NPAS3: variants seen among roughly 807,000 people sequenced by gnomAD.
NPAS3 encodes neuronal PAS domain-containing protein 3.
Under a neutral mutation model 73.1 loss-of-function variants are expected in NPAS3, and 14 were observed. The ratio of observed to expected loss-of-function variants is 0.19; its 90% confidence interval spans 0.13 to 0.30. The LOEUF (loss-of-function observed/expected upper bound fraction) is 0.30. Ranked by LOEUF, NPAS3 falls within the 10% of genes least tolerant of loss-of-function variation. The pLI is 1.00. For synonymous variants in NPAS3, 620 were observed against 541.5 expected, an observed-to-expected ratio of 1.14 and a Z score of -2.01; for missense variants, 1,096 against 1,250.0, an observed-to-expected ratio of 0.88 and a Z score of 1.86.
intron 1 of NPAS3, among the ~76,000 whole-genome samples, chr14:33,053,109 A>G (rs1275371568): frequency 6.6e-6 from 1 of 152,168 alleles, no homozygotes; most frequent in Non-Finnish European, 1.5e-5. Flanking sequence ...CACAAAATAC[A>G]TTTTAGCCAA....
chr14:33,046,109 C>A (rs922752814), intron 1 of NPAS3, among the ~76,000 whole-genome samples: 1 of 152,104 alleles, frequency 6.6e-6, no homozygotes, highest in African/African-American at 2.4e-5. Context: ...TGATGCAGGT[C>A]AAGTAAAAGT....
intron 2 of NPAS3, among the ~76,000 whole-genome samples, chr14:33,164,429 G>T (rs1485344562): frequency 2.6e-5 from 4 of 151,952 alleles, no homozygotes; most frequent in African/African-American, 9.7e-5. Context: ...TTCTGTGTAA[G>T]AAGTTCTTAC....
intron 5 of NPAS3, among the ~76,000 whole-genome samples, chr14:33,568,494 T>G (rs973388322): frequency 1.3e-5 from 2 of 152,174 alleles, no homozygotes; most frequent in African/African-American, 4.8e-5. Flanking sequence ...TGCAAAATAA[T>G]ACCTCTACAC....
intron 3 of NPAS3, among the ~76,000 whole-genome samples, chr14:33,349,602 A>AT (rs1172843017): frequency 7.3e-5 from 11 of 150,948 alleles, no homozygotes; most frequent in Non-Finnish European, 1.3e-4. Context: ...CAACTTTTTG[A>AT]TTTTTTTTGG....
intron 5 of NPAS3, among the ~76,000 whole-genome samples, chr14:33,656,864 C>T (rs981887897): frequency 2.0e-5 from 3 of 152,184 alleles, no homozygotes; most frequent in African/African-American, 7.2e-5. Flanking sequence ...CCATTTCCTT[C>T]ACTTCCTCAC....
chr14:33,496,531 C>T (rs2052200198), intron 4 of NPAS3, among the ~76,000 whole-genome samples: 1 of 152,156 alleles, frequency 6.6e-6, no homozygotes, highest in Non-Finnish European at 1.5e-5. Flanking sequence ...CCCTGGGATG[C>T]AAGGCTGGTT....
intron 1 of NPAS3, among the ~76,000 whole-genome samples, chr14:33,011,761 C>T (rs115496279): frequency 1.4e-3 from 215 of 152,174 alleles, no homozygotes; most frequent in African/African-American, 5.0e-3. Context: ...TCCTTCCCTT[C>T]CTTGTTTTTG....
intron 2 of NPAS3, among the ~76,000 whole-genome samples, chr14:33,080,692 G>C (rs1209791490): frequency 6.6e-6 from 1 of 152,152 alleles, no homozygotes; most frequent in Non-Finnish European, 1.5e-5. Flanking sequence ...CCTGGGCATC[G>C]CCTGGTTACA....
At chr14:33,614,225 C>T (rs1475087400) in intron 5 of NPAS3, among the ~76,000 whole-genome samples, 1 of 152,200 alleles carries the variant, frequency 6.6e-6, no homozygotes, top group South Asian at 2.1e-4. Flanking sequence ...AGTTGTTAAG[C>T]ATCTCTGAGT....
At chr14:33,215,213 G>A in exon 3 of NPAS3, 1 of 1,613,808 alleles carries the variant, frequency 6.2e-7, no homozygotes, top group Non-Finnish European at 8.5e-7. Flanking sequence ...GAAATCCCGA[G>A]ATGCTGCTCG....
chr14:33,315,288 T>A (rs1374107195), intron 3 of NPAS3, among the ~76,000 whole-genome samples: 4 of 152,036 alleles, frequency 2.6e-5, no homozygotes, highest in African/African-American at 9.7e-5. Context: ...ATAAAGATCT[T>A]TGTTTGCCAA....
chr14:33,566,295 C>G (rs1595168902), intron 5 of NPAS3, among the ~76,000 whole-genome samples: 1 of 151,836 alleles, frequency 6.6e-6, no homozygotes, highest in East Asian at 2.0e-4. Context: ...CAGAGATAAT[C>G]TCAGCAATCC....
intron 2 of NPAS3, among the ~76,000 whole-genome samples, chr14:33,163,623 G>GTTTTTTT (rs71448290): frequency 8.1e-5 from 9 of 110,618 alleles, no homozygotes; most frequent in Admixed American, 3.0e-4. Context: ...GTGTTTTGTT[G>GTTTTTTT]TTTTTTTTTT....
At chr14:33,382,293 G>A (rs1209797737) in intron 4 of NPAS3, among the ~76,000 whole-genome samples, 1 of 151,928 alleles carries the variant, frequency 6.6e-6, no homozygotes, top group Non-Finnish European at 1.5e-5. Context: ...TTAACCTTGA[G>A]ACCTTTAACT....
intron 2 of NPAS3, among the ~76,000 whole-genome samples, chr14:33,069,444 C>A (rs1198594798): frequency 6.6e-6 from 1 of 152,140 alleles, no homozygotes; most frequent in African/African-American, 2.4e-5. Flanking sequence ...CCAATGATTG[C>A]CTTGCATTTG....
At chr14:33,013,278 A>G (rs1422073555) in intron 1 of NPAS3, among the ~76,000 whole-genome samples, 1 of 152,186 alleles carries the variant, frequency 6.6e-6, no homozygotes, top group African/African-American at 2.4e-5. Context: ...TCCAGTTATT[A>G]AAAAGGTTTA....
chr14:33,658,242 G>T (rs2059206257), intron 5 of NPAS3, among the ~76,000 whole-genome samples: 1 of 152,200 alleles, frequency 6.6e-6, no homozygotes, highest in Admixed American at 6.5e-5. Flanking sequence ...AGACAGAAAA[G>T]GTACAGTGAC....
chr14:33,091,920 AG>A (rs1399562315), intron 2 of NPAS3, among the ~76,000 whole-genome samples: 1 of 152,222 alleles, frequency 6.6e-6, no homozygotes, highest in African/African-American at 2.4e-5. Context: ...AAAATTCAGC[AG>A]CCCTTCATGC....
rs79182394 is a variant in NPAS3 at position 33,577,528 on chromosome 14, C to T, written c.558+17318C>T. The stretch of plus-strand genomic sequence containing the variant: ...AGGCTGAGTATGAAAATTTTATGCC[C>T]ATTTGACAGATATGGAAACACAGAG... On this transcript the variant is annotated intron_variant, in intron 5 of 11. Transcript: ENST00000356141. Among the ~76,000 whole-genome samples the T allele has an allele frequency of 6.9e-3, 1,053 of 152,164 alleles. 53 individuals carry two copies. In the East Asian group the frequency reaches 0.16, roughly 23 times the overall value.
Sources: gnomAD v4.1 joint callset for allele counts (sites outside exome capture counted in the v4.1 genomes callset) on GRCh38, gnomAD v4.1.1 for gene constraint, MANE v1.5 for transcripts, NCBI Gene and HGNC (gene_info 2026-07-23, HGNC 2026-07-21) for gene names.